The following RBFOX1 variants were observed in gnomAD, a reference collection of about 807,000 sequenced individuals.
RBFOX1 encodes the protein RNA binding fox-1 homolog 1, also known as RNA binding protein fox-1 homolog 1.
In RBFOX1, 8 loss-of-function variants were observed where a neutral mutation model predicts 57.7. The ratio of observed to expected loss-of-function variants is 0.14; its 90% CI spans 0.08 to 0.25. The LOEUF (loss-of-function observed/expected upper bound fraction) is 0.25, where lower values mean the gene tolerates loss of function less well. Among genes scored for constraint, RBFOX1 ranks in the 10% least tolerant of loss-of-function variants. The probability of loss-of-function intolerance (pLI) is 1.00; values close to 1 mark genes in which losing one functional copy is unlikely to be tolerated. For missense variants in RBFOX1, 611 were observed against 548.5 expected, an observed-to-expected ratio of 1.11 and a Z score of -1.14; for synonymous variants, 326 against 222.4, an observed-to-expected ratio of 1.47 and a Z score of -4.15.
At chr16:6,754,841 C>T (rs1019449641) in intron 3 of RBFOX1, among the ~76,000 whole-genome samples, 2 of 152,076 alleles carry the variant, frequency 1.3e-5, no homozygotes, top group Admixed American at 6.5e-5. Flanking sequence ...TCTCCTAAAG[C>T]TATCCCTCCC....
intron 2 of RBFOX1, among the ~76,000 whole-genome samples, chr16:6,401,769 A>G (rs2093078756): frequency 6.6e-6 from 1 of 152,176 alleles, no homozygotes; most frequent in Admixed American, 6.5e-5. Context: ...GAAAACATTA[A>G]ATGATAAACT....
chr16:5,498,581 G>T (rs2043081295), intron 2 of RBFOX1, among the ~76,000 whole-genome samples: 1 of 152,208 alleles, frequency 6.6e-6, no homozygotes, highest in African/African-American at 2.4e-5. Context: ...GCATGGCACT[G>T]GGAAGATGTT....
chr16:6,745,640 A>G (rs546172867), intron 3 of RBFOX1, among the ~76,000 whole-genome samples: 15 of 152,216 alleles, frequency 9.9e-5, no homozygotes, highest in Admixed American at 2.0e-4. Context: ...TAGAAGATAA[A>G]TTGGTCAATA....
chr16:6,071,737 C>T (rs745506047), intron 1 of RBFOX1, among the ~76,000 whole-genome samples: 8 of 152,164 alleles, frequency 5.3e-5, no homozygotes, highest in African/African-American at 9.7e-5. Context: ...GAACAACCAC[C>T]GATTGTCCCC....
At chr16:7,125,822 C>T (rs745900733) in intron 4 of RBFOX1, among the ~76,000 whole-genome samples, 1 of 152,166 alleles carries the variant, frequency 6.6e-6, no homozygotes, top group African/African-American at 2.4e-5. Flanking sequence ...GTGCCTCACA[C>T]CTGTAATCCC....
intron 2 of RBFOX1, among the ~76,000 whole-genome samples, chr16:6,472,824 C>T (rs757663341): frequency 2.4e-4 from 37 of 151,826 alleles, no homozygotes; most frequent in Non-Finnish European, 8.8e-5. Context: ...GGGGTTTTAC[C>T]GTGTTGTCCA....
chr16:6,290,499 A>G (rs1282888469), intron 1 of RBFOX1, among the ~76,000 whole-genome samples: 1 of 152,134 alleles, frequency 6.6e-6, no homozygotes, highest in Non-Finnish European at 1.5e-5. Context: ...TATAATAAGC[A>G]GCAACGTAGA....
intron 1 of RBFOX1, among the ~76,000 whole-genome samples, chr16:6,164,473 T>TTC (rs2096901615): frequency 1.3e-5 from 2 of 151,068 alleles, no homozygotes; most frequent in Non-Finnish European, 3.0e-5. Context: ...ATATTGATTT[T>TTC]TTTTTTTTTT....
chr16:7,223,021 T>A (rs1280664919), intron 4 of RBFOX1, among the ~76,000 whole-genome samples: 1 of 152,220 alleles, frequency 6.6e-6, no homozygotes, highest in Admixed American at 6.5e-5. Context: ...CTCTTCCATC[T>A]GGCCACCTGT....
chr16:7,188,631 C>G (rs183446938), intron 4 of RBFOX1, among the ~76,000 whole-genome samples: 3 of 152,248 alleles, frequency 2.0e-5, no homozygotes, highest in South Asian at 2.1e-4. Flanking sequence ...TAAGCATTGA[C>G]TCATTATACC....
At chr16:6,270,312 T>C (rs2075051661) in intron 1 of RBFOX1, among the ~76,000 whole-genome samples, 1 of 152,132 alleles carries the variant, frequency 6.6e-6, no homozygotes, top group Non-Finnish European at 1.5e-5. Flanking sequence ...GTATACAACC[T>C]AACTATATGC....
At chr16:7,526,823 A>C (rs1428967546) in intron 5 of RBFOX1, among the ~76,000 whole-genome samples, 1 of 152,180 alleles carries the variant, frequency 6.6e-6, no homozygotes, top group African/African-American at 2.4e-5. Context: ...ATCTAAGGCA[A>C]ATCACTTACT....
At chr16:6,974,656 T>C (rs2086401766) in intron 3 of RBFOX1, among the ~76,000 whole-genome samples, 1 of 152,048 alleles carries the variant, frequency 6.6e-6, no homozygotes, top group African/African-American at 2.4e-5. Context: ...ATAAATCATA[T>C]TCTTTATTTG....
chr16:7,239,601 A>T (rs2093952220), intron 4 of RBFOX1, among the ~76,000 whole-genome samples: 1 of 152,156 alleles, frequency 6.6e-6, no homozygotes, highest in Non-Finnish European at 1.5e-5. Context: ...TAAAAGAAAA[A>T]CAGAAAACAC....
intron 2 of RBFOX1, among the ~76,000 whole-genome samples, chr16:5,549,956 G>A (rs534861490): frequency 1.5e-4 from 23 of 152,288 alleles, no homozygotes; most frequent in Admixed American, 6.5e-4. Flanking sequence ...GTATGTGTGC[G>A]CCCATGTGCA....
chr16:5,264,506 G>T (rs1252162373), intron 1 of RBFOX1, among the ~76,000 whole-genome samples: 5 of 152,226 alleles, frequency 3.3e-5, no homozygotes, highest in African/African-American at 7.2e-5. Flanking sequence ...CTGCCCATTG[G>T]TGAAAGACCA....
chr16:7,157,789 G>T (rs1272311810), intron 4 of RBFOX1, among the ~76,000 whole-genome samples: 1 of 152,090 alleles, frequency 6.6e-6, no homozygotes, highest in Non-Finnish European at 1.5e-5. Context: ...CAAGAAATTG[G>T]ATTTACATGT....
chr16:6,283,522 G>A (rs1336221789), intron 1 of RBFOX1, among the ~76,000 whole-genome samples: 10 of 151,984 alleles, frequency 6.6e-5, no homozygotes, highest in South Asian at 2.1e-4. Flanking sequence ...TGAACTTCAC[G>A]TAGTATACAT....
At chr16:5,725,821 G>A (rs898661716) in intron 3 of RBFOX1, among the ~76,000 whole-genome samples, 3 of 151,974 alleles carry the variant, frequency 2.0e-5, no homozygotes. Context: ...TAGGATGCCA[G>A]CTCTCCGAGT....
Sources: gnomAD v4.1 joint callset for allele counts (sites outside exome capture counted in the v4.1 genomes callset) on GRCh38, gnomAD v4.1.1 for gene constraint, MANE v1.5 for transcripts, NCBI Gene and HGNC (gene_info 2026-07-23, HGNC 2026-07-21) for gene names.